Variants in CHRNA2 observed in about 807,000 individuals in gnomAD.
The protein encoded by CHRNA2 is cholinergic receptor nicotinic alpha 2 subunit.
Under a neutral mutation model 45.5 loss-of-function variants are expected in CHRNA2, and 40 were observed. That is an observed-to-expected ratio of 0.88 (90% CI 0.68 to 1.15). The LOEUF (loss-of-function observed/expected upper bound fraction) is 1.15. Among genes scored for constraint, CHRNA2 ranks in the 50% most tolerant of loss-of-function variants. CHRNA2 has a pLI of 0.00. For synonymous variants in CHRNA2, 301 were observed against 296.7 expected, an observed-to-expected ratio of 1.01 and a Z score of -0.15; for missense variants, 655 against 701.7, an observed-to-expected ratio of 0.93 and a Z score of 0.75.
chr8:27,461,860 G>A (rs1376650230), intron 6 of CHRNA2, 106 bp from the exon 7 acceptor site: 1 of 1,501,496 alleles, frequency 6.7e-7, no homozygotes, highest in Non-Finnish European at 9.2e-7. Flanking sequence ...AGCAGCAACT[G>A]CCCCACAGAG....
chr8:27,474,085 AT>A (rs1812986913), intron 1 of CHRNA2, among the ~76,000 whole-genome samples: 1 of 152,180 alleles, frequency 6.6e-6, no homozygotes, highest in African/African-American at 2.4e-5. Context: ...ACTTGTGCCC[AT>A]GAAAGTCCCC....
At chr8:27,476,079 G>A (rs1302543460) in intron 1 of CHRNA2, among the ~76,000 whole-genome samples, 1 of 152,174 alleles carries the variant, frequency 6.6e-6, no homozygotes, top group Non-Finnish European at 1.5e-5. Context: ...TAGTGTGATT[G>A]TTTATCCTTT....
At position 27,460,875 on chromosome 8, in the gene CHRNA2, G is replaced by A. The variant is rs1812457701; in HGVS notation, c.*754C>T. 6.6e-6 allele frequency: 1 copy of A among 152,236 alleles called. No individual in the cohort carries two copies. The highest frequency in any genetic ancestry group is 2.4e-5 in the African/African-American group (1 of 41,422). 9.4% of individuals were successfully genotyped at this position (152,236 alleles called of 1,614,324 possible). On this transcript the variant is annotated 3_prime_UTR_variant, in exon 7 of 7. Transcript: ENST00000407991. Reference sequence around the variant, plus strand: ...TGCAGCAAGGAAGGAGAGGAATGACGTCAAGGAGAAGCCTGGAGGCTCAAA... The same window carrying A: ...TGCAGCAAGGAAGGAGAGGAATGACATCAAGGAGAAGCCTGGAGGCTCAAA...
At chr8:27,464,954 T>C (rs1812652204) in intron 5 of CHRNA2, among the ~76,000 whole-genome samples, 1 of 152,048 alleles carries the variant, frequency 6.6e-6, no homozygotes, top group South Asian at 2.1e-4. Flanking sequence ...GTCTGGGTGC[T>C]CCCCAGACCC....
At chr8:27,473,940 T>A (rs892602708) in intron 1 of CHRNA2, among the ~76,000 whole-genome samples, 1 of 152,122 alleles carries the variant, frequency 6.6e-6, no homozygotes, top group East Asian at 1.9e-4. Context: ...CTGGCAAATG[T>A]CGCTTTGAGT....
intron 5 of CHRNA2, among the ~76,000 whole-genome samples, chr8:27,466,772 C>T (rs1013160350): frequency 6.6e-6 from 1 of 152,180 alleles, no homozygotes; most frequent in Non-Finnish European, 1.5e-5. Flanking sequence ...TCAAAGATTA[C>T]TCCTTTTTAG....
At chr8:27,465,628 A>G (rs946202486) in intron 5 of CHRNA2, among the ~76,000 whole-genome samples, 40 of 152,098 alleles carry the variant, frequency 2.6e-4, no homozygotes, top group African/African-American at 9.4e-4. Flanking sequence ...ACAGGGTTTC[A>G]CCATGTTGGC....
In CHRNA2 at chr8:27,463,197, C is replaced by T. The variant is rs1439979313; in HGVS notation, c.1246G>A (p.Val416Met). 1.9e-6 allele frequency: 3 copies of T among 1,589,974 alleles called. No individual in the cohort carries two copies. Among genetic ancestry groups the T allele is most frequent in the East Asian group, 2.2e-5 (1 of 44,506 alleles). Residue 416 changes from valine to methionine, a missense_variant, in exon 6 of 7, where the codon GTG (valine) becomes ATG (methionine). Transcript: ENST00000407991. The surrounding 1 kb of genome is among the most constrained non-coding windows in gnomAD (Gnocchi z 6.1). ...SNVDAEEREVVVEEEDRWACA... is the reference protein window; with the variant it reads ...SNVDAEEREVMVEEEDRWACA... ...GCCCATCTGTCCTCCTCCTCCACCA[C>T]CACCTCCCTCTCCTCGGCATCCACG...
At chr8:27,471,373 C>T (rs1812878218) in intron 1 of CHRNA2, 179 bp from the exon 2 acceptor site, 1 of 361,436 alleles carries the variant, frequency 2.8e-6, no homozygotes, top group African/African-American at 2.1e-5. Context: ...TCCTCTTTCT[C>T]CAGAGTCAGC....
chr8:27,463,720 G>C lies in CHRNA2; in HGVS notation c.723C>G (p.Asn241Lys). The change falls in exon 6 of 7, where the codon AAC (asparagine) becomes AAG (lysine). Residue 241 changes from asparagine (N) to lysine (K), a missense_variant. Asn to Lys is a moderately conservative substitution (Grantham distance 94). Coordinates refer to ENST00000407991, the MANE Select transcript of CHRNA2 (RefSeq NM_000742.4). This position sits in a 1 kb window ranked among gnomAD's most constrained non-coding sequence, Gnocchi z 6.1. ...CGGCGCAGCAGTCGTACTTCTTGCTGTTGTAGGTGCCCGTGGCATTGACGA... is the reference window on the plus strand; with the variant it reads ...CGGCGCAGCAGTCGTACTTCTTGCTCTTGTAGGTGCCCGTGGCATTGACGA... ...WAIVNATGTY[N>K]SKKYDCCAEI... 1 of 1,612,440 alleles carries C rather than the reference G, an allele frequency of 6.2e-7. No individual in the cohort carries two copies. The highest frequency in any genetic ancestry group is 8.5e-7 in the Non-Finnish European group (1 of 1,179,528).
rs1224576295 is a variant in CHRNA2 at position 27,463,297 on chromosome 8, C to T, written c.1146G>A (p.Arg382=). The T allele has an allele frequency of 1.9e-6, 3 of 1,610,086 alleles. No individual in the cohort carries two copies. The highest frequency in any genetic ancestry group is 2.5e-6 in the Non-Finnish European group (3 of 1,177,024). Residue 382 remains arginine (R), a synonymous_variant, in exon 6 of 7, where the codon CGG becomes CGA. Transcript: ENST00000407991. The surrounding 1 kb of genome is among the most constrained non-coding windows in gnomAD (Gnocchi z 6.1). The part of the protein sequence containing the change: ...GCVPRWLLMN[R]PPPPVELCHP... Reference sequence around the variant, plus strand: ...GGCAGAGCTCCACGGGTGGTGGGGGCCGGTTCATCAGAAGCCACCGGGGCA... The same window carrying T: ...GGCAGAGCTCCACGGGTGGTGGGGGTCGGTTCATCAGAAGCCACCGGGGCA...
At chr8:27,461,787 C>T (rs1477428383) in intron 6 of CHRNA2, 33 bp from the exon 7 acceptor site, 4 of 1,613,816 alleles carry the variant, frequency 2.5e-6, no homozygotes, top group Non-Finnish European at 3.4e-6. Context: ...TGACAGGGGC[C>T]AGGCCTGGGA....
chr8:27,470,525 G>T (rs377054765), intron 2 of CHRNA2, among the ~76,000 whole-genome samples: 1 of 152,202 alleles, frequency 6.6e-6, no homozygotes, highest in African/African-American at 2.4e-5. Flanking sequence ...TGTTTCTATG[G>T]CATCGCTCAT....
chr8:27,473,321 T>G (rs1377489184), intron 1 of CHRNA2, among the ~76,000 whole-genome samples: 2 of 152,324 alleles, frequency 1.3e-5, no homozygotes, highest in East Asian at 3.9e-4. Context: ...CGAATTGTAC[T>G]AAATGCCAAT....
Position 27,469,341 on chromosome 8 carries a change from T to C in CHRNA2, c.333A>G (p.Leu111=), listed in dbSNP as rs770131239. The C allele has an allele frequency of 6.4e-7, 1 of 1,556,046 alleles. No individual in the cohort carries two copies. Among genetic ancestry groups the C allele is most frequent in the Admixed American group, 1.9e-5 (1 of 51,702 alleles). Reference sequence around the variant, plus strand: ...GGAGGAGGGGGGCCCTCACCTGTTTTAGCCAGACGTTGGTGGTCATCATTT... The same window carrying C: ...GGAGGAGGGGGGCCCTCACCTGTTTCAGCCAGACGTTGGTGGTCATCATTT... ...KNQMMTTNVW[L]KQEWSDYKLR... Residue 111 remains leucine (L), a synonymous_variant, in exon 4 of 7, where the codon CTA becomes CTG. Transcript: ENST00000407991.
chr8:27,469,716 T>C (rs1215785367), intron 3 of CHRNA2, 45 bp downstream of exon 3: 5 of 1,607,866 alleles, frequency 3.1e-6, no homozygotes, highest in African/African-American at 2.7e-5. Context: ...CGGTGGGTGG[T>C]CTGGGATCTC....
intron 2 of CHRNA2, among the ~76,000 whole-genome samples, chr8:27,470,591 G>A (rs932223818): frequency 2.0e-5 from 3 of 152,176 alleles, no homozygotes; most frequent in Admixed American, 6.5e-5. Context: ...TCTGCTGTCC[G>A]AGCGAGTCGA....
chr8:27,464,340 T>C (rs1586392118), intron 5 of CHRNA2, among the ~76,000 whole-genome samples: 2 of 152,330 alleles, frequency 1.3e-5, no homozygotes, highest in Admixed American at 1.3e-4. Context: ...ATGACAATCA[T>C]ATATTTGTGA....
At chr8:27,478,149 G>C (rs1452313714) in intron 1 of CHRNA2, among the ~76,000 whole-genome samples, 2 of 152,144 alleles carry the variant, frequency 1.3e-5, no homozygotes, top group South Asian at 2.1e-4. Flanking sequence ...CAAGCATACA[G>C]GTCTCAGCTT....
Sources: allele counts gnomAD v4.1 joint callset (sites outside exome capture counted in the v4.1 genomes callset), GRCh38; gene constraint gnomAD v4.1.1; non-coding constraint Gnocchi (gnomAD v3.1); transcripts MANE v1.5; gene names NCBI Gene and HGNC (gene_info 2026-07-23, HGNC 2026-07-21).